Variants in PTPRK observed in about 807,000 individuals in gnomAD.
PTPRK encodes the protein protein tyrosine phosphatase receptor type K.
In PTPRK, 75 loss-of-function variants were observed where a neutral mutation model predicts 178.0. The ratio of observed to expected loss-of-function variants is 0.42; its 90% CI spans 0.35 to 0.51. The LOEUF is 0.51. Among genes scored for constraint, PTPRK ranks in the 20% least tolerant of loss-of-function variants. The probability of loss-of-function intolerance (pLI) is 0.02; values close to 1 mark genes in which losing one functional copy is unlikely to be tolerated. For synonymous variants in PTPRK, 637 were observed against 620.6 expected (o/e 1.03, Z -0.39); for missense variants, 1,441 against 1,797.8 (o/e 0.80, Z 3.59).
chr6:128,219,142 A>C, intron 5 of PTPRK, 46 bp from the exon 6 acceptor site: 1 of 1,502,302 alleles, frequency 6.7e-7, no homozygotes, highest in Non-Finnish European at 9.1e-7. Flanking sequence ...TACTATTTTC[A>C]TAAATCTATA....
chr6:128,392,699 T>C (rs546774583), intron 2 of PTPRK, among the ~76,000 whole-genome samples: 1 of 151,984 alleles, frequency 6.6e-6, no homozygotes, highest in African/African-American at 2.4e-5. Context: ...ATATATACAA[T>C]AGACTTTTGA....
intron 7 of PTPRK, among the ~76,000 whole-genome samples, chr6:128,133,060 A>G (rs1403824830): frequency 6.6e-6 from 1 of 152,232 alleles, no homozygotes; most frequent in African/African-American, 2.4e-5. Context: ...TAAAAAAGAT[A>G]CGTGCATGCT....
Position 128,218,949 on chromosome 6 carries a change from A to T in PTPRK, c.841T>A (p.Ser281Thr), listed in dbSNP as rs778040917. 11 of 1,613,194 alleles carry T rather than the reference A, an allele frequency of 6.8e-6. No individual in the cohort carries two copies. The South Asian group carries it at 1.2e-4, about 18-fold the overall frequency. The change falls in exon 6 of 30, where the codon TCC (serine) becomes ACC (threonine). Residue 281 changes from serine (S) to threonine (T), a missense_variant. Around this residue, in one of 4 missense-constraint regions of PTPRK, gnomAD observed 945 missense variants for 1,080.6 expected, o/e 0.87. Transcript: ENST00000368226. ...VTQSERGSGV[S>T]NFAQLIVREP... ...CTCACAATAAGTTGAGCAAAATTGG[A>T]CACACCGGAACCTCGTTCTGACTGA...
chr6:128,273,318 C>T (rs1243911728), intron 3 of PTPRK, among the ~76,000 whole-genome samples: 1 of 151,776 alleles, frequency 6.6e-6, no homozygotes, highest in Non-Finnish European at 1.5e-5. Flanking sequence ...TGTAACAAAC[C>T]TGCACTTTGT....
rs147233781 is a variant in PTPRK, at chr6:128,510,196, C to A, written c.100+10063G>T. On this transcript the variant is annotated intron_variant, in intron 1 of 29. Coordinates refer to ENST00000368226, the MANE Select transcript of PTPRK (RefSeq NM_002844.4). ...CTATGTGCCAGGCCAGCTGCCCTGG[C>A]CATTGAAGGTCCATTACGGACCATT... 1.2e-3 allele frequency among the ~76,000 whole-genome samples: 184 copies of A among 152,268 alleles called. 2 individuals are homozygous for A. The highest frequency in any genetic ancestry group is 4.1e-3 in the African/African-American group (170 of 41,558).
At chr6:128,238,776 A>C (rs990337728) in intron 5 of PTPRK, among the ~76,000 whole-genome samples, 2 of 152,258 alleles carry the variant, frequency 1.3e-5, no homozygotes, top group African/African-American at 4.8e-5. Flanking sequence ...AAATTACCAT[A>C]ATCACAGAAA....
intron 1 of PTPRK, among the ~76,000 whole-genome samples, chr6:128,400,602 G>C (rs1441106727): frequency 1.3e-5 from 2 of 152,126 alleles, no homozygotes; most frequent in African/African-American, 4.8e-5. Context: ...GAGGGAAACA[G>C]AGGAAAATAA....
At position 128,041,311 on chromosome 6, in the gene PTPRK, T is replaced by C. The variant is rs575946176; in HGVS notation, c.2194+23447A>G. Among the ~76,000 whole-genome samples, 11 of 152,208 alleles carry C rather than the reference T, an allele frequency of 7.2e-5. 1 individual carries two copies. The South Asian group carries it at 2.3e-3, about 32-fold the overall frequency. ...CCAATTAACTTTCTACTCTAATGCA[T>C]TTATTAAATCAGATAGATAATCTTT... On this transcript the variant is annotated intron_variant, in intron 13 of 29. Coordinates refer to ENST00000368226, the MANE Select transcript of PTPRK (RefSeq NM_002844.4).
intron 13 of PTPRK, among the ~76,000 whole-genome samples, chr6:128,014,559 T>C (rs1277131474): frequency 6.6e-6 from 1 of 151,646 alleles, no homozygotes; most frequent in Non-Finnish European, 1.5e-5. Context: ...ATAGTAGAAA[T>C]AGTAGTAGAC....
chr6:128,250,053 G>A (rs1816210717), intron 3 of PTPRK, among the ~76,000 whole-genome samples: 1 of 152,106 alleles, frequency 6.6e-6, no homozygotes, highest in Admixed American at 6.6e-5. Flanking sequence ...GGAGATTTGA[G>A]GTTTCCGTTT....
intron 2 of PTPRK, among the ~76,000 whole-genome samples, chr6:128,365,305 T>C (rs957867537): frequency 6.6e-6 from 1 of 152,056 alleles, no homozygotes; most frequent in Admixed American, 6.6e-5. Context: ...ACACAAACAA[T>C]CAAAGTCATT....
Position 128,016,931 on chromosome 6 carries a change from A to G in PTPRK, c.2195-7663T>C, listed in dbSNP as rs538738094. Reference sequence around the variant, plus strand: ...TTTCTGGATTTTCCATTTTATTCTTAGAGGAAACATATTATTCTGTGCTGA... The same window carrying G: ...TTTCTGGATTTTCCATTTTATTCTTGGAGGAAACATATTATTCTGTGCTGA... On this transcript the variant is annotated intron_variant, in intron 13 of 29. Coordinates refer to ENST00000368226, the MANE Select transcript of PTPRK (RefSeq NM_002844.4). Among the ~76,000 whole-genome samples, 5 of 152,144 alleles carry G rather than the reference A, an allele frequency of 3.3e-5. No homozygotes were observed. In the South Asian group the frequency reaches 1.0e-3, roughly 32 times the overall value.
At chr6:128,347,752 G>A (rs1298592006) in intron 2 of PTPRK, among the ~76,000 whole-genome samples, 6 of 151,950 alleles carry the variant, frequency 3.9e-5, no homozygotes, top group African/African-American at 1.4e-4. Flanking sequence ...ACTACAAACT[G>A]AGCTACTAAG....
chr6:128,236,348 T>C lies in PTPRK; in HGVS notation c.693+3687A>G, dbSNP rs1000501914. Among the ~76,000 whole-genome samples, 24 of 143,864 alleles carry C rather than the reference T, an allele frequency of 1.7e-4. 1 individual carries two copies. Among genetic ancestry groups the C allele is most frequent in the African/African-American group, 3.3e-4 (13 of 38,908 alleles). 94.4% of individuals were successfully genotyped at this position (143,864 alleles called of 152,430 possible). ...AAAGACTTTATTCTAAATTTCTTTT[T>C]TTTTTTTTTTTTTTTTTTGAGACAC... is the stretch of plus-strand genomic sequence containing the variant. On this transcript the variant is annotated intron_variant, in intron 5 of 29. Coordinates refer to ENST00000368226, the MANE Select transcript of PTPRK (RefSeq NM_002844.4).
At chr6:128,158,118 G>T (rs558615225) in intron 7 of PTPRK, among the ~76,000 whole-genome samples, 3 of 151,946 alleles carry the variant, frequency 2.0e-5, no homozygotes, top group African/African-American at 7.2e-5. Flanking sequence ...TTTGTATAAG[G>T]TGTAAGGAAG....
intron 13 of PTPRK, among the ~76,000 whole-genome samples, chr6:128,025,381 C>T (rs1051005671): frequency 6.6e-6 from 1 of 152,110 alleles, no homozygotes; most frequent in South Asian, 2.1e-4. Flanking sequence ...AATTGTCCTA[C>T]CTTATAGAGG....
At chr6:128,143,105 T>C (rs934860979) in intron 7 of PTPRK, among the ~76,000 whole-genome samples, 5 of 152,142 alleles carry the variant, frequency 3.3e-5, no homozygotes, top group South Asian at 2.1e-4. Flanking sequence ...TTCTATAATG[T>C]AGATCTCTCC....
At chr6:128,154,920 T>C (rs115469682) in intron 7 of PTPRK, among the ~76,000 whole-genome samples, 32 of 151,854 alleles carry the variant, frequency 2.1e-4, no homozygotes, top group African/African-American at 7.7e-4. Flanking sequence ...GTTGATTTGT[T>C]CAAATTTGGA....
At chr6:128,198,037 T>G (rs913174974) in intron 6 of PTPRK, among the ~76,000 whole-genome samples, 26 of 152,098 alleles carry the variant, frequency 1.7e-4, no homozygotes, top group African/African-American at 6.0e-4. Flanking sequence ...TCCAGGAGTT[T>G]AAATCACCTT....
Sources: gnomAD v4.1 joint callset for allele counts (sites outside exome capture counted in the v4.1 genomes callset) on GRCh38, gnomAD v4.1.1 for gene constraint, gnomAD v4.1.1 regional missense constraint, MANE v1.5 for transcripts, NCBI Gene and HGNC (gene_info 2026-07-23, HGNC 2026-07-21) for gene names.